BRMS1L: variants seen among roughly 807,000 people sequenced by gnomAD.
BRMS1L encodes breast cancer metastasis-suppressor 1-like protein.
A neutral mutation model predicts 50.3 loss-of-function variants in BRMS1L; 23 were observed. The observed-to-expected ratio is 0.46, with a 90% confidence interval of 0.33 to 0.65. The LOEUF is 0.65. BRMS1L is among the 30% of genes least tolerant of loss of function. The pLI is 0.02. For synonymous variants in BRMS1L, 114 were observed against 126.9 expected, an observed-to-expected ratio of 0.90 and a Z score of 0.69; for missense variants, 286 against 386.1, an observed-to-expected ratio of 0.74 and a Z score of 2.17.
intron 4 of BRMS1L, among the ~76,000 whole-genome samples, 196 bp downstream of exon 4, chr14:35,835,119 A>T (rs2077974555): frequency 6.6e-6 from 1 of 152,152 alleles, no homozygotes; most frequent in Non-Finnish European, 1.5e-5. Flanking sequence ...AAAGGACCAT[A>T]GAAAAAAACT....
intron 4 of BRMS1L, among the ~76,000 whole-genome samples, chr14:35,843,008 C>G (rs891689689): frequency 6.6e-6 from 1 of 152,178 alleles, no homozygotes; most frequent in Non-Finnish European, 1.5e-5. Context: ...AGTTCTCATG[C>G]TGTGTTTTTC....
At chr14:35,828,864 G>A (rs910278992) in intron 1 of BRMS1L, among the ~76,000 whole-genome samples, 1 of 152,204 alleles carries the variant, frequency 6.6e-6, no homozygotes, top group Non-Finnish European at 1.5e-5. Context: ...TAATTTGTAA[G>A]TCATCTGCCT....
intron 6 of BRMS1L, 129 bp from the exon 7 acceptor site, chr14:35,864,806 G>A (rs2078399975): frequency 3.0e-6 from 2 of 672,908 alleles, no homozygotes; most frequent in African/African-American, 3.8e-5. Flanking sequence ...AGAATAATTT[G>A]AAGTCAGAAT....
At chr14:35,831,304 A>C in intron 1 of BRMS1L, 106 bp from the exon 2 acceptor site, 1 of 737,478 alleles carries the variant, frequency 1.4e-6, no homozygotes, top group South Asian at 1.8e-5. Context: ...TCTTCTCTTC[A>C]TATTACAGTT....
At chr14:35,827,956 T>G (rs2077866066) in intron 1 of BRMS1L, among the ~76,000 whole-genome samples, 1 of 152,058 alleles carries the variant, frequency 6.6e-6, no homozygotes, top group Non-Finnish European at 1.5e-5. Context: ...CGTGAAAACC[T>G]TGGGAGAAGG....
In BRMS1L at chr14:35,871,810, G is replaced by A. The variant is rs1339954493; in HGVS notation, c.*1333G>A. 1.3e-5 allele frequency: 2 copies of A among 152,586 alleles called. No individual in the cohort carries two copies. Among genetic ancestry groups the A allele is most frequent in the African/African-American group, 2.4e-5 (1 of 41,426 alleles). 9.5% of individuals were successfully genotyped at this position (152,586 alleles called of 1,614,324 possible). A position where few individuals can be genotyped will look rare whatever the true frequency, so the allele number is the denominator to read the frequency against. On this transcript the variant is annotated 3_prime_UTR_variant, in exon 10 of 10. Coordinates refer to ENST00000216807, the MANE Select transcript of BRMS1L (RefSeq NM_032352.4). ...TTCAGTGTCAGCAAAGTGATATTAC[G>A]TTGTTCTGTTTCTAATTAACCTTAG...
chr14:35,850,570 T>G (rs1377772303), intron 4 of BRMS1L, among the ~76,000 whole-genome samples: 1 of 152,244 alleles, frequency 6.6e-6, no homozygotes, highest in Non-Finnish European at 1.5e-5. Flanking sequence ...GTCTCACTTG[T>G]CTATTTTTGC....
chr14:35,851,370 C>T (rs1010888288), intron 4 of BRMS1L, among the ~76,000 whole-genome samples: 1 of 71,392 alleles, frequency 1.4e-5, no homozygotes, highest in African/African-American at 5.5e-5. Flanking sequence ...GATGTCTAAA[C>T]AAAAAAGCAT....
At chr14:35,830,289 G>A (rs986118505) in intron 1 of BRMS1L, among the ~76,000 whole-genome samples, 1 of 151,502 alleles carries the variant, frequency 6.6e-6, no homozygotes, top group Non-Finnish European at 1.5e-5. Flanking sequence ...GGCTGGTCTC[G>A]AACTCCTGAC....
chr14:35,834,834 T>C lies in BRMS1L; in HGVS notation c.362-10T>C. On this transcript the variant is annotated splice_polypyrimidine_tract_variant and intron_variant, in intron 3 of 9. Coordinates refer to ENST00000216807, the MANE Select transcript of BRMS1L (RefSeq NM_032352.4). ...GCTAACATAATCAGAGTAATTGTGT[T>C]TGGTTGCAGGAATCTATAGAGAGCT... is the stretch of plus-strand genomic sequence containing the variant. 6.5e-7 allele frequency: 1 copy of C among 1,530,312 alleles called. No individual in the cohort carries two copies. Among genetic ancestry groups the C allele is most frequent in the Non-Finnish European group, 8.8e-7 (1 of 1,138,012 alleles). The allele number at this position is 1,530,312 out of a possible 1,614,324, so 94.8% of individuals were successfully genotyped here.
At position 35,870,616 on chromosome 14, in the gene BRMS1L, T is replaced by C; in HGVS notation, c.*139T>C. On this transcript the variant is annotated 3_prime_UTR_variant, in exon 10 of 10. Coordinates refer to ENST00000216807, the MANE Select transcript of BRMS1L (RefSeq NM_032352.4). The stretch of plus-strand genomic sequence containing the variant: ...GTGTATTTGTAGGTAGTACTCTAAA[T>C]AGATCTCATTGATATGTTATTAAAA... 1 of 513,352 alleles carries C rather than the reference T, an allele frequency of 1.9e-6. No homozygotes were observed. Among genetic ancestry groups the C allele is most frequent in the East Asian group, 3.3e-5 (1 of 30,136 alleles). 31.8% of individuals were successfully genotyped at this position (513,352 alleles called of 1,614,324 possible).
At chr14:35,861,441 C>T (rs1307961258) in intron 4 of BRMS1L, among the ~76,000 whole-genome samples, 2 of 152,102 alleles carry the variant, frequency 1.3e-5, no homozygotes, top group Non-Finnish European at 2.9e-5. Context: ...CTCCCTTTTT[C>T]TCTGATATTT....
intron 1 of BRMS1L, chr14:35,829,742 A>T: frequency 1.3e-6 from 1 of 788,702 alleles, no homozygotes; most frequent in Non-Finnish European, 1.8e-6. Context: ...AAAATGAGTC[A>T]GCCTTCCATG....
At chr14:35,868,118 G>A in intron 9 of BRMS1L, 86 bp downstream of exon 9, 2 of 1,365,544 alleles carry the variant, frequency 1.5e-6, no homozygotes, top group Non-Finnish European at 2.0e-6. Context: ...CCTCCATAGT[G>A]TGCCTATATC....
chr14:35,863,210 C>T (rs1480945342), intron 5 of BRMS1L, among the ~76,000 whole-genome samples: 1 of 152,068 alleles, frequency 6.6e-6, no homozygotes, highest in East Asian at 1.9e-4. Context: ...TGACATCATA[C>T]AAGGTAGGAC....
chr14:35,860,873 T>G (rs1056917680), intron 4 of BRMS1L, among the ~76,000 whole-genome samples: 1 of 152,236 alleles, frequency 6.6e-6, no homozygotes, highest in African/African-American at 2.4e-5. Context: ...AGTCTAGATG[T>G]GAAGACTAGA....
In BRMS1L at chr14:35,855,327, A is replaced by C. The variant is rs759045292; in HGVS notation, c.442-7263A>C. On this transcript the variant is annotated intron_variant, in intron 4 of 9. Coordinates refer to ENST00000216807, the MANE Select transcript of BRMS1L (RefSeq NM_032352.4). ...GGCTGGTCTTGAATTCCTGTTCTTC[A>C]ACAATTCTCCCACCTCAGCGTCCCA... 4.7e-4 allele frequency among the ~76,000 whole-genome samples: 72 copies of C among 152,148 alleles called. 1 individual carries two copies. Among genetic ancestry groups the C allele is most frequent in the Non-Finnish European group, 1.3e-4 (9 of 68,040 alleles).
rs1292484684 is a variant in BRMS1L, at chr14:35,863,798, T to C, written c.539-72T>C. On this transcript the variant is annotated intron_variant, in intron 5 of 9. Transcript: ENST00000216807. The stretch of plus-strand genomic sequence containing the variant: ...TTTACATGTAACTAAATAGCCACCA[T>C]AAAATTAGAGTCTTTTTTCCTCCTT... 10 of 1,390,114 alleles carry C rather than the reference T, an allele frequency of 7.2e-6. No individual in the cohort carries two copies. In the African/African-American group the frequency reaches 7.3e-5, roughly 10 times the overall value. The allele number at this position is 1,390,114 out of a possible 1,614,324, so 86.1% of individuals were successfully genotyped here.
intron 9 of BRMS1L, among the ~76,000 whole-genome samples, 181 bp downstream of exon 9, chr14:35,868,213 C>T (rs1019394250): frequency 2.6e-5 from 4 of 152,162 alleles, no homozygotes; most frequent in Admixed American, 1.3e-4. Flanking sequence ...ATGAACCAGA[C>T]TTCATATTAA....
Sources: allele counts gnomAD v4.1 joint callset (sites outside exome capture counted in the v4.1 genomes callset), GRCh38; gene constraint gnomAD v4.1.1; transcripts MANE v1.5; gene names NCBI Gene and HGNC (gene_info 2026-07-23, HGNC 2026-07-21).